Variants in KIF13B observed in about 807,000 individuals in gnomAD.
The protein encoded by KIF13B is kinesin-like protein KIF13B.
Under a neutral mutation model 222.0 loss-of-function variants are expected in KIF13B, and 127 were observed. That is an observed-to-expected ratio of 0.57 (90% CI 0.50 to 0.66). The LOEUF (loss-of-function observed/expected upper bound fraction) is 0.66, where lower values mean the gene tolerates loss of function less well. Ranked by LOEUF, KIF13B falls within the 30% of genes least tolerant of loss-of-function variation. The probability of loss-of-function intolerance (pLI) is 0.00; values close to 1 mark genes in which losing one functional copy is unlikely to be tolerated. For missense variants in KIF13B, 2,173 were observed against 2,379.0 expected, an observed-to-expected ratio of 0.91 and a Z score of 1.80; for synonymous variants, 976 against 919.0, an observed-to-expected ratio of 1.06 and a Z score of -1.12.
chr8:29,173,912 C>T (rs1812362866), intron 10 of KIF13B, among the ~76,000 whole-genome samples: 1 of 145,146 alleles, frequency 6.9e-6, no homozygotes, highest in African/African-American at 2.6e-5. Context: ...CACTACACTC[C>T]AGCCTGGGCA....
At chr8:29,160,259 T>G (rs190541356) in intron 13 of KIF13B, among the ~76,000 whole-genome samples, 148 of 152,350 alleles carry the variant, frequency 9.7e-4, no homozygotes, top group Admixed American at 3.5e-3. Context: ...TTTAATAGAT[T>G]GATAACCCAA....
chr8:29,112,104 C>G (rs1348284323), intron 32 of KIF13B, among the ~76,000 whole-genome samples: 1 of 152,162 alleles, frequency 6.6e-6, no homozygotes, highest in African/African-American at 2.4e-5. Flanking sequence ...CATTTTGCAA[C>G]ACAAGATATC....
intron 1 of KIF13B, chr8:29,249,948 G>T: frequency 1.1e-6 from 1 of 948,126 alleles, no homozygotes; most frequent in Non-Finnish European, 1.5e-6. Flanking sequence ...GAAAGTCTCA[G>T]CCACACTGCA....
chr8:29,141,001 T>C (rs1033461288), intron 19 of KIF13B, among the ~76,000 whole-genome samples: 1 of 152,162 alleles, frequency 6.6e-6, no homozygotes, highest in African/African-American at 2.4e-5. Flanking sequence ...AAGACAGTAA[T>C]TCTTATCTGC....
At position 29,116,912 on chromosome 8, in the gene KIF13B, G is replaced by A. The variant is rs752652627; in HGVS notation, c.3756C>T (p.Arg1252=). Residue 1252 remains arginine, a synonymous_variant, in exon 31 of 40, where the codon CGC becomes CGT. Coordinates refer to ENST00000524189, the MANE Select transcript of KIF13B (RefSeq NM_015254.4). ...CAGGGTGGCTGAGCTGGACCGTCAC[G>A]CGCACGATCAGGAACAACCGCTCGT... ...PVDERLFLIV[R]VTVQLSHPAD... is the part of the protein sequence containing the mutation. 8.1e-6 allele frequency: 13 copies of A among 1,613,250 alleles called. No homozygotes were observed. The highest frequency in any genetic ancestry group is 2.7e-5 in the African/African-American group (2 of 75,016).
In KIF13B at chr8:29,100,649, C is replaced by T. The variant is rs190035341; in HGVS notation, c.4216-1408G>A. ...GTAGAGATGGAGGGGGTGTTTCCTC[C>T]ATGTTGGTCAGACTGGTCTCGAACT... On this transcript the variant is annotated intron_variant, in intron 35 of 39. Coordinates refer to ENST00000524189, the MANE Select transcript of KIF13B (RefSeq NM_015254.4). 6.1e-3 allele frequency among the ~76,000 whole-genome samples: 928 copies of T among 152,234 alleles called. 8 individuals are homozygous for T. The highest frequency in any genetic ancestry group is 9.9e-3 in the Non-Finnish European group (671 of 68,018).
At position 29,167,492 on chromosome 8, in the gene KIF13B, C is replaced by T; in HGVS notation, c.1039G>A (p.Ala347Thr). ...YDETLSTLRY[A>T]DRAKHIVNHA... ...TTTACAATGTGCTTGGCTCGATCTGCATACCGCAGAGTTGAGAGGGTTTCA... is the reference window on the plus strand; with the variant it reads ...TTTACAATGTGCTTGGCTCGATCTGTATACCGCAGAGTTGAGAGGGTTTCA... Residue 347 changes from alanine (A) to threonine (T), a missense_variant, in exon 11 of 40, where the codon GCA becomes ACA. Physicochemically the swap from Ala to Thr is moderately conservative, Grantham distance 58 (BLOSUM62 0). This residue lies in a region of KIF13B where 1,480 missense variants were observed against 1,722.8 expected (regional missense o/e 0.86). Transcript: ENST00000524189. 1 of 1,614,008 alleles carries T rather than the reference C, an allele frequency of 6.2e-7. No homozygotes were observed. The highest frequency in any genetic ancestry group is 1.7e-5 in the Admixed American group (1 of 60,028).
At chr8:29,208,092 C>A (rs55682360) in intron 2 of KIF13B, among the ~76,000 whole-genome samples, 1 of 152,130 alleles carries the variant, frequency 6.6e-6, no homozygotes, top group Non-Finnish European at 1.5e-5. Flanking sequence ...GAAAAGGATG[C>A]TAAGCCATGA....
chr8:29,116,032 T>C (rs1809579839), intron 31 of KIF13B, among the ~76,000 whole-genome samples: 1 of 152,184 alleles, frequency 6.6e-6, no homozygotes, highest in Non-Finnish European at 1.5e-5. Flanking sequence ...CTGTTACGTA[T>C]CTACCTACAC....
chr8:29,129,660 T>C (rs1234582591), intron 24 of KIF13B, among the ~76,000 whole-genome samples: 3 of 151,622 alleles, frequency 2.0e-5, no homozygotes, highest in Non-Finnish European at 4.4e-5. Context: ...AAAAAAAAAT[T>C]CCAAATCCTG....
chr8:29,189,610 C>T (rs1813086052), intron 4 of KIF13B: 1 of 152,198 alleles, frequency 6.6e-6, no homozygotes, highest in Non-Finnish European at 1.5e-5. Flanking sequence ...TCCTTTCCAT[C>T]AAAAAGAGAA....
chr8:29,256,725 A>T (rs78767216), intron 1 of KIF13B, among the ~76,000 whole-genome samples: 7,903 of 151,942 alleles, frequency 0.052, 299 homozygotes, highest in Admixed American at 0.095. Flanking sequence ...GTTCTGCTAC[A>T]TAGAAATGCT....
At chr8:29,079,362 GGTATCT>G (rs1807704836) in intron 37 of KIF13B, among the ~76,000 whole-genome samples, 1 of 152,192 alleles carries the variant, frequency 6.6e-6, no homozygotes, top group Non-Finnish European at 1.5e-5. Flanking sequence ...CACACATGAC[GGTATCT>G]ACATCACCCT....
chr8:29,081,497 G>A (rs558380419), intron 37 of KIF13B, among the ~76,000 whole-genome samples: 4 of 152,336 alleles, frequency 2.6e-5, no homozygotes, highest in African/African-American at 9.6e-5. Context: ...TCTAAATGCA[G>A]ATCAAGTATT....
At chr8:29,103,449 G>C (rs1586780610) in intron 35 of KIF13B, among the ~76,000 whole-genome samples, 1 of 152,190 alleles carries the variant, frequency 6.6e-6, no homozygotes, top group East Asian at 1.9e-4. Context: ...ATTATACCTA[G>C]AGAAAATATC....
chr8:29,121,128 G>C lies in KIF13B; in HGVS notation c.3535+1463C>G, dbSNP rs188648040. ...GCGAAATCGTGAAAATGGCCATACTGCCCAAGGTAATTTACAGATTCAATG... is the reference window on the plus strand; with the variant it reads ...GCGAAATCGTGAAAATGGCCATACTCCCCAAGGTAATTTACAGATTCAATG... On this transcript the variant is annotated intron_variant, in intron 29 of 39. Transcript: ENST00000524189. Among the ~76,000 whole-genome samples the C allele has an allele frequency of 3.6e-3, 542 of 151,602 alleles. 4 individuals are homozygous for C. Among genetic ancestry groups the C allele is most frequent in the African/African-American group, 0.013 (521 of 41,260 alleles).
chr8:29,068,342 C>G lies in KIF13B; in HGVS notation c.*2162G>C, dbSNP rs1344846923. On this transcript the variant is annotated 3_prime_UTR_variant, in exon 40 of 40. Coordinates refer to ENST00000524189, the MANE Select transcript of KIF13B (RefSeq NM_015254.4). This position sits in a 1 kb window ranked among gnomAD's most constrained non-coding sequence, Gnocchi z 4.4. ...GACCGCACCTCCTGCCTGCCAAGTG[C>G]TGGCCCGGGGTCAGCGGGGCTCACT... The G allele has an allele frequency of 6.6e-6, 1 of 152,322 alleles. No homozygotes were observed. Among genetic ancestry groups the G allele is most frequent in the Non-Finnish European group, 1.5e-5 (1 of 68,140 alleles). The allele number at this position is 152,322 out of a possible 1,614,324, so 9.4% of individuals were successfully genotyped here. A position where few individuals can be genotyped will look rare whatever the true frequency, so the allele number is the denominator to read the frequency against.
chr8:29,196,243 TTAA>T, intron 2 of KIF13B, 44 bp from the exon 3 acceptor site: 1 of 1,377,102 alleles, frequency 7.3e-7, no homozygotes, highest in Non-Finnish European at 9.5e-7. Context: ...GAAAGAAAAG[TTAA>T]AAAAAAAAAA....
At chr8:29,131,644 C>T (rs1164465602) in intron 23 of KIF13B, among the ~76,000 whole-genome samples, 2 of 152,170 alleles carry the variant, frequency 1.3e-5, no homozygotes, top group Admixed American at 6.5e-5. Context: ...AACACTGATG[C>T]CACTCAGAGC....
Sources: gnomAD v4.1 joint callset for allele counts (sites outside exome capture counted in the v4.1 genomes callset) on GRCh38, gnomAD v4.1.1 for gene constraint, gnomAD v4.1.1 regional missense constraint, Gnocchi (gnomAD v3.1) non-coding constraint, MANE v1.5 for transcripts, NCBI Gene and HGNC (gene_info 2026-07-23, HGNC 2026-07-21) for gene names.